CLIC6: variants seen among roughly 807,000 people sequenced by gnomAD.
CLIC6 encodes chloride intracellular channel protein 6.
CLIC6 carries 39 observed loss-of-function variants against 49.2 expected under a neutral mutation model. The observed-to-expected ratio is 0.79, with a 90% confidence interval of 0.61 to 1.04. The LOEUF (loss-of-function observed/expected upper bound fraction) is 1.04. Among genes scored for constraint, CLIC6 ranks in the 50% least tolerant of loss-of-function variants. The pLI is 0.00. For missense variants in CLIC6, 988 were observed against 993.1 expected (o/e 0.99, Z 0.07); for synonymous variants, 446 against 433.4 (o/e 1.03, Z -0.36).
chr21:34,707,335 TG>T lies in CLIC6; in HGVS notation c.1431del (p.Met477IlefsTer5). 1 of 1,614,128 alleles carries T rather than the reference TG, an allele frequency of 6.2e-7. No individual in the cohort carries two copies. The highest frequency in any genetic ancestry group is 8.5e-7 in the Non-Finnish European group (1 of 1,180,016). On this transcript the variant is annotated frameshift_variant, in exon 2 of 6. Transcript: ENST00000349499. LOFTEE classifies it high-confidence loss of function. ...GNCPFSQRLFMILWLKGVIFN... is the reference protein window; with the variant it reads ...GNCPFSQRLFXILWLKGVIFN... ...TGCCCGTTTTCTCAGCGTCTCTTTATGATTCTCTGGCTGAAAGGCGTTATAT... is the reference window on the plus strand; with the variant it reads ...TGCCCGTTTTCTCAGCGTCTCTTTATATTCTCTGGCTGAAAGGCGTTATAT...
rs1384806867 is a variant in CLIC6 at position 34,670,544 on chromosome 21, G to A, written c.1156G>A (p.Ala386Thr). 3 of 1,498,064 alleles carry A rather than the reference G, an allele frequency of 2.0e-6. No homozygotes were observed. Among genetic ancestry groups the A allele is most frequent in the Non-Finnish European group, 2.7e-6 (3 of 1,124,324 alleles). The allele number at this position is 1,498,064 out of a possible 1,614,324, so 92.8% of individuals were successfully genotyped here. ...CCCGGAGGGGCCAAGGGAGGAGGAA[G>A]CAGCGGGGGGCGAAGAGGAATCCCC... ...RSPEGPREEE[A>T]AGGEEESPDS... The change falls in exon 1 of 6, where the codon GCA (alanine) becomes ACA (threonine). Residue 386 changes from alanine (A) to threonine (T), a missense_variant. Physicochemically the swap from Ala to Thr is moderately conservative, Grantham distance 58. Transcript: ENST00000349499.
rs543811983 is a variant in CLIC6, at chr21:34,714,134, A to G, written c.1900-2187A>G. Among the ~76,000 whole-genome samples the G allele has an allele frequency of 3.7e-4, 57 of 152,378 alleles. 1 individual carries two copies. Among genetic ancestry groups the G allele is most frequent in the South Asian group, 3.3e-3 (16 of 4,826 alleles). ...TGTTCTATGATGAAATAACAAAATC[A>G]TAATCAAAGTAAGAATCCAGAAACA... On this transcript the variant is annotated intron_variant, in intron 5 of 5. Transcript: ENST00000349499.
Position 34,669,831 on chromosome 21 carries a change from C to G in CLIC6, c.443C>G (p.Pro148Arg), listed in dbSNP as rs972653200. ...QEEAEQRPEV[P>R]EGSASGEAGD... ...GAGGCGGAGCAGAGGCCTGAGGTCCCGGAAGGTAGCGCGTCCGGGGAGGCG... is the reference window on the plus strand; with the variant it reads ...GAGGCGGAGCAGAGGCCTGAGGTCCGGGAAGGTAGCGCGTCCGGGGAGGCG... The change falls in exon 1 of 6, where the codon CCG becomes CGG. Residue 148 changes from proline to arginine, a missense_variant. Transcript: ENST00000349499. The G allele has an allele frequency of 6.4e-6, 9 of 1,412,342 alleles. No homozygotes were observed. Among genetic ancestry groups the G allele is most frequent in the Non-Finnish European group, 6.4e-6 (7 of 1,092,196 alleles). 87.5% of individuals were successfully genotyped at this position (1,412,342 alleles called of 1,614,324 possible). A position where few individuals can be genotyped will look rare whatever the true frequency, so the allele number is the denominator to read the frequency against.
intron 5 of CLIC6, among the ~76,000 whole-genome samples, chr21:34,712,662 A>G (rs2056064259): frequency 2.0e-5 from 3 of 152,196 alleles, no homozygotes; most frequent in Admixed American, 1.3e-4. Flanking sequence ...CACCTAATCC[A>G]GAGGAACAGT....
intron 1 of CLIC6, among the ~76,000 whole-genome samples, chr21:34,691,135 G>A (rs1989985076): frequency 6.6e-6 from 1 of 152,170 alleles, no homozygotes; most frequent in East Asian, 1.9e-4. Flanking sequence ...TCTACAGGGA[G>A]GTATTGTATG....
chr21:34,716,862 T>TCTCTCTCTCTCACACACACACA lies in CLIC6; in HGVS notation c.*381_*382insTCTCTCTCTCACACACACACAC. ...CTCTCTCTCTCTCTCTCTCTCTCTA[T>TCTCTCTCTCTCACACACACACA]CACACACACACACACACACACACAC... is the stretch of plus-strand genomic sequence containing the variant. On this transcript the variant is annotated 3_prime_UTR_variant, in exon 6 of 6. Coordinates refer to ENST00000349499, the MANE Select transcript of CLIC6 (RefSeq NM_053277.3). 10 of 131,632 alleles carry TCTCTCTCTCTCACACACACACA rather than the reference T, an allele frequency of 7.6e-5. No individual in the cohort carries two copies. The highest frequency in any genetic ancestry group is 3.2e-4 in the African/African-American group (10 of 31,214). 8.2% of individuals were successfully genotyped at this position (131,632 alleles called of 1,614,324 possible).
At chr21:34,711,205 G>T (rs2056054136) in intron 5 of CLIC6, among the ~76,000 whole-genome samples, 1 of 152,174 alleles carries the variant, frequency 6.6e-6, no homozygotes, top group South Asian at 2.1e-4. Context: ...TGGACTGTTT[G>T]TTCTAATAAC....
At chr21:34,694,040 T>C (rs1479643686) in intron 1 of CLIC6, among the ~76,000 whole-genome samples, 1 of 149,418 alleles carries the variant, frequency 6.7e-6, no homozygotes, top group African/African-American at 2.5e-5. Flanking sequence ...TGGCACGATC[T>C]CGGCTCACTG....
chr21:34,690,061 A>G (rs1199485305), intron 1 of CLIC6, among the ~76,000 whole-genome samples: 2 of 152,192 alleles, frequency 1.3e-5, no homozygotes, highest in African/African-American at 2.4e-5. Context: ...CCATAGTTGG[A>G]TCACAGGAAC....
Position 34,709,495 on chromosome 21 carries a change from C to G in CLIC6, c.1856C>G (p.Thr619Arg). 6.2e-7 allele frequency: 1 copy of G among 1,613,984 alleles called. No homozygotes were observed. The highest frequency in any genetic ancestry group is 8.5e-7 in the Non-Finnish European group (1 of 1,179,862). The change falls in exon 5 of 6, where the codon ACG becomes AGG. Residue 619 changes from threonine (T) to arginine (R), a missense_variant. This residue lies in a region of CLIC6 where 647 missense variants were observed against 596.9 expected (regional missense o/e 1.08). Coordinates refer to ENST00000349499, the MANE Select transcript of CLIC6 (RefSeq NM_053277.3). ...AAGTTTCTGGATGGGGACGAGCTGA[C>G]GCTGGCTGACTGCAACCTCTTACCC... is the stretch of plus-strand genomic sequence containing the variant. ...GRKFLDGDEL[T>R]LADCNLLPKL...
At chr21:34,697,217 G>A (rs556281720) in intron 1 of CLIC6, among the ~76,000 whole-genome samples, 17 of 138,922 alleles carry the variant, frequency 1.2e-4, no homozygotes, top group East Asian at 3.9e-4. Context: ...CCTGTGCTAC[G>A]CCAGTGATTT....
In CLIC6 at chr21:34,669,606, C is replaced by A. The variant is rs1406603460; in HGVS notation, c.218C>A (p.Ala73Glu). 2.1e-5 allele frequency: 26 copies of A among 1,265,960 alleles called. No individual in the cohort carries two copies. The Admixed American group carries it at 8.8e-4, about 43-fold the overall frequency. 78.4% of individuals were successfully genotyped at this position (1,265,960 alleles called of 1,614,324 possible). Reference sequence around the variant, plus strand: ...CCAGACAGGGGCCCGGAGGCCGAGGCGCGGGGCACGAGGGGGGCGCACGGC... The same window carrying A: ...CCAGACAGGGGCCCGGAGGCCGAGGAGCGGGGCACGAGGGGGGCGCACGGC... ...GGPDRGPEAE[A>E]RGTRGAHGET... Residue 73 changes from alanine to glutamate, a missense_variant, in exon 1 of 6, where the codon GCG becomes GAG. Coordinates refer to ENST00000349499, the MANE Select transcript of CLIC6 (RefSeq NM_053277.3).
In CLIC6 at chr21:34,680,160, C is replaced by T. The variant is rs114408414; in HGVS notation, c.1374+9398C>T. On this transcript the variant is annotated intron_variant, in intron 1 of 5. Coordinates refer to ENST00000349499, the MANE Select transcript of CLIC6 (RefSeq NM_053277.3). ...TTCCATATATCCTCTGAAATCTAGG[C>T]AGAAGTTCCTAAACCTCAATTATTG... Among the ~76,000 whole-genome samples, 493 of 152,370 alleles carry T rather than the reference C, an allele frequency of 3.2e-3. 3 individuals carry two copies. The highest frequency in any genetic ancestry group is 0.02 in the South Asian group (98 of 4,832).
At chr21:34,699,029 C>CGA (rs1049273816) in intron 1 of CLIC6, among the ~76,000 whole-genome samples, 3 of 151,996 alleles carry the variant, frequency 2.0e-5, no homozygotes, top group African/African-American at 4.8e-5. Flanking sequence ...GAGAGGAGAG[C>CGA]GAGAGAGAGA....
At chr21:34,675,392 A>T (rs958323135) in intron 1 of CLIC6, among the ~76,000 whole-genome samples, 2 of 152,132 alleles carry the variant, frequency 1.3e-5, no homozygotes, top group African/African-American at 2.4e-5. Context: ...GGGAGAGAGC[A>T]TGTTGGGACT....
rs2056093285 is a variant in CLIC6 at position 34,717,296 on chromosome 21, A to G, written c.*814A>G. 1 of 152,206 alleles carries G rather than the reference A, an allele frequency of 6.6e-6. No homozygotes were observed. 9.4% of individuals were successfully genotyped at this position (152,206 alleles called of 1,614,324 possible). A position where few individuals can be genotyped will look rare whatever the true frequency, so the allele number is the denominator to read the frequency against. On this transcript the variant is annotated 3_prime_UTR_variant, in exon 6 of 6. Transcript: ENST00000349499. The stretch of plus-strand genomic sequence containing the variant: ...CTTAATATCTGCTGCAACTTGGAGA[A>G]CCTCCCTGCCCTGAAATGTGAACCA...
chr21:34,709,470 A>C lies in CLIC6; in HGVS notation c.1831A>C (p.Lys611Gln), dbSNP rs1447280266. ...STEDVTVSGR[K>Q]FLDGDELTLA... ...CGAGGATGTCACTGTTTCTGGAAGG[A>C]AGTTTCTGGATGGGGACGAGCTGAC... The change falls in exon 5 of 6, where the codon AAG becomes CAG. Residue 611 changes from lysine (K) to glutamine (Q), a missense_variant. Physicochemically the swap from Lys to Gln is moderately conservative, Grantham distance 53. Coordinates refer to ENST00000349499, the MANE Select transcript of CLIC6 (RefSeq NM_053277.3). 1 of 1,614,004 alleles carries C rather than the reference A, an allele frequency of 6.2e-7. No homozygotes were observed. The highest frequency in any genetic ancestry group is 1.3e-5 in the African/African-American group (1 of 75,046).
chr21:34,698,059 C>T (rs1990119102), intron 1 of CLIC6, among the ~76,000 whole-genome samples: 1 of 150,862 alleles, frequency 6.6e-6, no homozygotes, highest in African/African-American at 2.4e-5. Flanking sequence ...TATAGGAGCT[C>T]ACTGTGATGA....
chr21:34,705,998 A>T, intron 1 of CLIC6: 1 of 670,276 alleles, frequency 1.5e-6, no homozygotes, highest in Admixed American at 2.2e-5. Context: ...TTAAATTACT[A>T]TTTTAACATT....
Sources: allele counts gnomAD v4.1 joint callset (sites outside exome capture counted in the v4.1 genomes callset), GRCh38; gene constraint gnomAD v4.1.1; regional missense constraint gnomAD v4.1.1; transcripts MANE v1.5; gene names NCBI Gene and HGNC (gene_info 2026-07-23, HGNC 2026-07-21).